Variants in HAL observed in about 807,000 individuals in gnomAD.
HAL encodes the protein histidine ammonia-lyase, also known as histidase.
HAL carries 85 observed loss-of-function variants against 81.1 expected under a neutral mutation model. That is an observed-to-expected ratio of 1.05 (90% CI 0.88 to 1.25). The LOEUF is 1.25. HAL is among the 50% of genes most tolerant of loss of function. The pLI, the probability that HAL is intolerant of heterozygous loss-of-function variation, is 0.00. For missense variants in HAL, 798 were observed against 836.6 expected, an observed-to-expected ratio of 0.95 and a Z score of 0.57; for synonymous variants, 301 against 309.2, an observed-to-expected ratio of 0.97 and a Z score of 0.28.
intron 18 of HAL, 53 bp downstream of exon 18, chr12:95,977,891 C>T (rs749371077): frequency 1.0e-4 from 167 of 1,602,022 alleles, no homozygotes; most frequent in Non-Finnish European, 1.3e-4. Flanking sequence ...TTGAGAACCA[C>T]GGGCACAGTG....
chr12:95,980,894 T>C (rs6538695), intron 15 of HAL, 31 bp from the exon 16 acceptor site: 1,054,510 of 1,327,854 alleles, frequency 0.79, 420,670 homozygotes, highest in East Asian at 0.96. Context: ...TTGAAGATAA[T>C]GTTTGCTGGT....
Position 95,994,839 on chromosome 12 carries a change from A to C in HAL, c.309-14T>G, listed in dbSNP as rs760687235. On this transcript the variant is annotated splice_polypyrimidine_tract_variant and intron_variant, in intron 3 of 20. Coordinates refer to ENST00000261208, the MANE Select transcript of HAL (RefSeq NM_002108.4). ...TACTTGCTGTATCTGTATCCAGGTA[A>C]AGGAACATATAGGGTGGTGTGGAAA... The C allele has an allele frequency of 1.9e-6, 3 of 1,613,922 alleles. No homozygotes were observed. The South Asian group carries it at 3.3e-5, about 18-fold the overall frequency.
At chr12:95,978,140 G>C (rs530954437) in intron 17 of HAL, 62 bp from the exon 18 acceptor site, 1 of 1,399,306 alleles carries the variant, frequency 7.1e-7, no homozygotes, top group South Asian at 1.2e-5. Flanking sequence ...TAAAGGACCC[G>C]TGGCTTCCAC....
Position 95,985,967 on chromosome 12 carries a change from CTG to C in HAL, c.1148-3_1148-2del, listed in dbSNP as rs1472488982. 2.5e-6 allele frequency: 4 copies of C among 1,611,190 alleles called. No homozygotes were observed. The highest frequency in any genetic ancestry group is 3.4e-6 in the Non-Finnish European group (4 of 1,177,684). ...ACGCGATCACAGAACCTGTGACTCT[CTG>C]TGGAAGAGGTGGAGGGGATGAGACA... On this transcript the variant is annotated splice_acceptor_variant and splice_polypyrimidine_tract_variant and intron_variant, in intron 13 of 20. Coordinates refer to ENST00000261208, the MANE Select transcript of HAL (RefSeq NM_002108.4). LOFTEE classifies it high-confidence loss of function.
chr12:95,977,981 T>G lies in HAL; in HGVS notation c.1617A>C (p.Ala539=). 1.2e-6 allele frequency: 2 copies of G among 1,614,190 alleles called. No homozygotes were observed. The highest frequency in any genetic ancestry group is 1.7e-6 in the Non-Finnish European group (2 of 1,180,024). Residue 539 remains alanine, a synonymous_variant, in exon 18 of 21, where the codon GCA becomes GCC. Coordinates refer to ENST00000261208, the MANE Select transcript of HAL (RefSeq NM_002108.4). ...EDHVSMGGWA[A]RKALRVIEHV... is the part of the protein sequence containing the mutation. ...GCTCGATGACCCTGAGGGCTTTCCT[T>G]GCTGCCCATCCTCCCATGGAGACGT...
At chr12:95,974,553 TTAA>T (rs2080693463) in intron 20 of HAL, among the ~76,000 whole-genome samples, 181 bp from the exon 21 acceptor site, 1 of 152,202 alleles carries the variant, frequency 6.6e-6, no homozygotes, top group Non-Finnish European at 1.5e-5. Flanking sequence ...TTTGGTTGCA[TTAA>T]AGACTGTAAA....
intron 2 of HAL, 33 bp downstream of exon 2, chr12:95,995,631 A>G (rs1592853143): frequency 6.2e-7 from 1 of 1,610,774 alleles, no homozygotes; most frequent in South Asian, 1.1e-5. Flanking sequence ...GCCAAACCGC[A>G]CCCGTTCGCG....
rs1286120651 is a variant in HAL, at chr12:95,993,960, C to T, written c.450G>A (p.Arg150=). ...PTAEKRVQKS[R]EVIDSIIKEK... ...CTTTTATGATGCTATCTATGACCTC[C>T]CTGGATTTCTGCACCCTCTTCTCAG... Residue 150 remains arginine (R), a synonymous_variant, in exon 6 of 21, where the codon AGG becomes AGA. Transcript: ENST00000261208. 2 of 1,610,402 alleles carry T rather than the reference C, an allele frequency of 1.2e-6. No homozygotes were observed. Among genetic ancestry groups the T allele is most frequent in the Non-Finnish European group, 1.7e-6 (2 of 1,176,722 alleles).
Position 95,994,122 on chromosome 12 carries a change from C to G in HAL, c.379G>C (p.Val127Leu). The stretch of plus-strand genomic sequence containing the variant: ...TTGTAGCGTCCCTTTCCCAAGTTGA[C>G]CAGATCCTCCGTGGTCAGACGGTCT... The part of the protein sequence containing the change: ...DGDRLTTEDL[V>L]NLGKGRYKIK... Residue 127 changes from valine to leucine, a missense_variant, in exon 5 of 21, where the codon GTC becomes CTC. Coordinates refer to ENST00000261208, the MANE Select transcript of HAL (RefSeq NM_002108.4). 6.2e-7 allele frequency: 1 copy of G among 1,613,584 alleles called. No individual in the cohort carries two copies. Among genetic ancestry groups the G allele is most frequent in the Non-Finnish European group, 8.5e-7 (1 of 1,179,524 alleles).
chr12:95,979,230 T>G (rs932467251), intron 17 of HAL, among the ~76,000 whole-genome samples: 1 of 152,342 alleles, frequency 6.6e-6, no homozygotes, highest in African/African-American at 2.4e-5. Context: ...TACTACGTTA[T>G]TGTGAGAAAT....
At chr12:95,977,755 G>C (rs78972849) in intron 18 of HAL, among the ~76,000 whole-genome samples, 189 bp downstream of exon 18, 1,741 of 151,958 alleles carry the variant, frequency 0.011, 41 homozygotes, top group African/African-American at 0.04. Flanking sequence ...TGGAGGGTTC[G>C]TTAAACACAG....
In HAL at chr12:95,993,479, C is replaced by G; in HGVS notation, c.561G>C (p.Gln187His). 1 of 1,600,598 alleles carries G rather than the reference C, an allele frequency of 6.2e-7. No homozygotes were observed. ...AAGAATGTGAGCGTACTAAGTTGAC[C>G]TGAAGCTCCCTGCAACAGAAAGGTA... is the stretch of plus-strand genomic sequence containing the variant. ...VIPINKLQEL[Q>H]VNLVRSHSSG... The change falls in exon 8 of 21, where the codon CAG (glutamine) becomes CAC (histidine). Residue 187 changes from glutamine (Q) to histidine (H), a missense_variant. Transcript: ENST00000261208.
chr12:95,985,856 G>A lies in HAL; in HGVS notation c.1206+52C>T, dbSNP rs866755205. 71 of 1,284,144 alleles carry A rather than the reference G, an allele frequency of 5.5e-5. No individual in the cohort carries two copies. The Middle Eastern group carries it at 7.7e-3, about 139-fold the overall frequency. The allele number at this position is 1,284,144 out of a possible 1,614,324, so 79.5% of individuals were successfully genotyped here. Reference sequence around the variant, plus strand: ...ATTTTTCATCCTGAACCTGGGGAAAGAAAAACTTTATTGGCATTTTTTATT... The same window carrying A: ...ATTTTTCATCCTGAACCTGGGGAAAAAAAAACTTTATTGGCATTTTTTATT... On this transcript the variant is annotated intron_variant, in intron 14 of 20. Transcript: ENST00000261208.
At chr12:95,985,885 C>CTT (rs759405336) in intron 14 of HAL, 23 bp downstream of exon 14, 325 of 1,219,972 alleles carry the variant, frequency 2.7e-4, no homozygotes, top group African/African-American at 7.6e-4. Context: ...TTTTATTGAC[C>CTT]TTTTTTTTTT....
At position 95,995,874 on chromosome 12, in the gene HAL, G is replaced by C; in HGVS notation, c.37C>G (p.Leu13Val). 2 of 1,607,622 alleles carry C rather than the reference G, an allele frequency of 1.2e-6. No homozygotes were observed. Among genetic ancestry groups the C allele is most frequent in the Non-Finnish European group, 1.7e-6 (2 of 1,179,924 alleles). Residue 13 changes from leucine (L) to valine (V), a missense_variant, in exon 2 of 21, where the codon CTG becomes GTG. Physicochemically the swap from Leu to Val is conservative, Grantham distance 32 (BLOSUM62 1). Transcript: ENST00000261208. ...TGCGCGTCCTGGCAGGGCACTGCCA[G>C]CCATTCCCCACGTACGTGCACCGTG... ...RYTVHVRGEW[L>V]AVPCQDAQLT...
chr12:95,985,948 T>C lies in HAL; in HGVS notation c.1166A>G (p.Asp389Gly), dbSNP rs370321403. The change falls in exon 14 of 21, where the codon GAT becomes GGT. Residue 389 changes from aspartate to glycine, a missense_variant. Coordinates refer to ENST00000261208, the MANE Select transcript of HAL (RefSeq NM_002108.4). ...CAAGGTGTATGCATCCTGGACGCGATCACAGAACCTGTGACTCTCTGTGGA... is the reference window on the plus strand; with the variant it reads ...CAAGGTGTATGCATCCTGGACGCGACCACAGAACCTGTGACTCTCTGTGGA... ...SEIAESHRFCDRVQDAYTLRC... is the reference protein window; with the variant it reads ...SEIAESHRFCGRVQDAYTLRC... 1 of 1,612,294 alleles carries C rather than the reference T, an allele frequency of 6.2e-7. No homozygotes were observed.
At chr12:95,976,331 G>T in intron 20 of HAL, 98 bp downstream of exon 20, 1 of 970,520 alleles carries the variant, frequency 1.0e-6, no homozygotes, top group Non-Finnish European at 1.7e-6. Flanking sequence ...CCCAAGGAAT[G>T]GCCAGAAAAC....
rs760744451 is a variant in HAL, at chr12:95,994,983, A to G, written c.258T>C (p.Gly86=). ...NNEFVEVVIE[G]DAMSPDFIPS... ...GAATGAAGTCAGGAGACATGGCATC[A>G]CCCTCTATAACTAAAACAATGCACG... The change falls in exon 3 of 21, where the codon GGT becomes GGC. Residue 86 remains glycine, a synonymous_variant. Transcript: ENST00000261208. The G allele has an allele frequency of 1.4e-5, 23 of 1,609,342 alleles. No individual in the cohort carries two copies. The Admixed American group carries it at 3.7e-4, about 26-fold the overall frequency.
chr12:95,994,095 T>C lies in HAL; in HGVS notation c.406A>G (p.Ile136Val). 6.2e-7 allele frequency: 1 copy of C among 1,612,908 alleles called. No individual in the cohort carries two copies. The highest frequency in any genetic ancestry group is 1.3e-5 in the African/African-American group (1 of 74,982). ...TTTCCCCTCCCTCCCCATACCTTTATTTTGTAGCGTCCCTTTCCCAAGTTG... is the reference window on the plus strand; with the variant it reads ...TTTCCCCTCCCTCCCCATACCTTTACTTTGTAGCGTCCCTTTCCCAAGTTG... ...LVNLGKGRYK[I>V]KLTPTAEKRV... The change falls in exon 5 of 21, where the codon ATA (isoleucine) becomes GTA (valine). Residue 136 changes from isoleucine to valine, a missense_variant. Physicochemically the swap from Ile to Val is conservative, Grantham distance 29. Transcript: ENST00000261208.
Sources: allele counts gnomAD v4.1 joint callset (sites outside exome capture counted in the v4.1 genomes callset), GRCh38; gene constraint gnomAD v4.1.1; transcripts MANE v1.5; gene names NCBI Gene and HGNC (gene_info 2026-07-23, HGNC 2026-07-21).